The following RARS2 variants were observed in gnomAD, a reference collection of about 807,000 sequenced individuals.
RARS2 encodes arginyl-tRNA synthetase 2, mitochondrial, also known as probable arginine--tRNA ligase, mitochondrial.
RARS2 carries 67 observed loss-of-function variants against 88.5 expected under a neutral mutation model. The observed-to-expected ratio is 0.76, with a 90% CI of 0.62 to 0.93. The LOEUF is 0.93. Among genes scored for constraint, RARS2 ranks in the 40% least tolerant of loss-of-function variants. The pLI is 0.00. For synonymous variants in RARS2, 239 were observed against 230.3 expected (o/e 1.04, Z -0.34); for missense variants, 664 against 684.2 (o/e 0.97, Z 0.33).
rs764762978 is a variant in RARS2 at position 87,562,656 on chromosome 6, G to A, written c.297+46C>T. The A allele has an allele frequency of 2.8e-6, 4 of 1,416,240 alleles. No homozygotes were observed. In the South Asian group the frequency reaches 3.5e-5, roughly 12 times the overall value. The allele number at this position is 1,416,240 out of a possible 1,614,324, so 87.7% of individuals were successfully genotyped here. On this transcript the variant is annotated intron_variant, in intron 4 of 19. Transcript: ENST00000369536. Reference sequence around the variant, plus strand: ...CTGGAGGAAGACCACTGTGGCTGAAGCAGACAGAATGAAAGCACAATGGCT... The same window carrying A: ...CTGGAGGAAGACCACTGTGGCTGAAACAGACAGAATGAAAGCACAATGGCT...
intron 13 of RARS2, 110 bp from the exon 14 acceptor site, chr6:87,519,817 T>A: frequency 1.6e-6 from 2 of 1,243,762 alleles, no homozygotes; most frequent in Non-Finnish European, 1.2e-6. Context: ...GCAGAGTTTT[T>A]AAAAATTAAT....
At chr6:87,569,907 A>C (rs1769117940) in intron 1 of RARS2, among the ~76,000 whole-genome samples, 1 of 151,888 alleles carries the variant, frequency 6.6e-6, no homozygotes, top group Non-Finnish European at 1.5e-5. Context: ...AAAAAAAAAA[A>C]GTATGGCAAG....
intron 1 of RARS2, among the ~76,000 whole-genome samples, chr6:87,571,632 G>T (rs1247138068): frequency 2.6e-5 from 4 of 152,198 alleles, no homozygotes; most frequent in Non-Finnish European, 5.9e-5. Flanking sequence ...AAGTAAGAAT[G>T]TAAGAAGAGT....
intron 2 of RARS2, 59 bp downstream of exon 2, chr6:87,569,458 T>C (rs1768927204): frequency 7.4e-7 from 1 of 1,356,686 alleles, no homozygotes; most frequent in African/African-American, 1.4e-5. Context: ...TTTGCTTTTT[T>C]GGTGTATCAA....
chr6:87,524,524 A>T, intron 11 of RARS2, 33 bp downstream of exon 11: 1 of 1,491,150 alleles, frequency 6.7e-7, no homozygotes. Flanking sequence ...ACAGATTTAG[A>T]ACCAAATGTT....
intron 7 of RARS2, among the ~76,000 whole-genome samples, chr6:87,542,661 G>GAAAAA (rs10628110): frequency 0.054 from 7,269 of 134,338 alleles, 200 homozygotes; most frequent in African/African-American, 0.08. Flanking sequence ...AAAAAAAAAA[G>GAAAAA]AAAAAAAAAA....
chr6:87,564,283 T>C lies in RARS2; in HGVS notation c.111-51A>G, dbSNP rs374061809. 3.0e-6 allele frequency: 4 copies of C among 1,326,928 alleles called. No individual in the cohort carries two copies. The African/African-American group carries it at 4.3e-5, about 14-fold the overall frequency. 82.2% of individuals were successfully genotyped at this position (1,326,928 alleles called of 1,614,324 possible). On this transcript the variant is annotated intron_variant, in intron 2 of 19. Coordinates refer to ENST00000369536, the MANE Select transcript of RARS2 (RefSeq NM_020320.5). Reference sequence around the variant, plus strand: ...AGAACTGTTACCTTAAAAGCATTAGTTGTTAAACAAAGACTAATCACTATG... The same window carrying C: ...AGAACTGTTACCTTAAAAGCATTAGCTGTTAAACAAAGACTAATCACTATG...
rs1307440023 is a variant in RARS2, at chr6:87,526,737, C to T, written c.879-2085G>A. 1.3e-5 allele frequency among the ~76,000 whole-genome samples: 2 copies of T among 150,440 alleles called. 1 individual carries two copies. The highest frequency in any genetic ancestry group is 4.9e-5 in the African/African-American group (2 of 40,904). On this transcript the variant is annotated intron_variant, in intron 10 of 19. Transcript: ENST00000369536. ...CCAGGTTGGAGTGCAATGGCTCAAT[C>T]GTGGCTCACCGCAACCTCTGCCTCC...
intron 11 of RARS2, among the ~76,000 whole-genome samples, chr6:87,522,775 G>T (rs1774367549): frequency 6.6e-6 from 1 of 152,150 alleles, no homozygotes; most frequent in Non-Finnish European, 1.5e-5. Context: ...ACAGGCAAGA[G>T]CCACTGCATA....
At chr6:87,552,180 G>A (rs1784546359) in intron 5 of RARS2, among the ~76,000 whole-genome samples, 1 of 152,170 alleles carries the variant, frequency 6.6e-6, no homozygotes, top group Admixed American at 6.5e-5. Context: ...TCAATTTAGG[G>A]AGAAAGTTTC....
At chr6:87,567,431 T>G (rs1334528562) in intron 2 of RARS2, among the ~76,000 whole-genome samples, 2 of 152,242 alleles carry the variant, frequency 1.3e-5, no homozygotes, top group East Asian at 3.8e-4. Context: ...ATCCACAGAC[T>G]TGATAGCCAT....
chr6:87,523,090 T>G (rs1774482476), intron 11 of RARS2, among the ~76,000 whole-genome samples: 2 of 152,176 alleles, frequency 1.3e-5, no homozygotes, highest in African/African-American at 4.8e-5. Context: ...GAGCAGATTA[T>G]CACAAAAATG....
intron 1 of RARS2, among the ~76,000 whole-genome samples, chr6:87,573,062 T>C (rs1186420415): frequency 1.3e-5 from 2 of 152,210 alleles, no homozygotes; most frequent in Non-Finnish European, 2.9e-5. Context: ...GATACATGTA[T>C]AATTAGTTCT....
chr6:87,557,901 C>T (rs1406612080), intron 4 of RARS2, among the ~76,000 whole-genome samples: 4 of 152,158 alleles, frequency 2.6e-5, no homozygotes, highest in Admixed American at 6.6e-5. Flanking sequence ...CTTGGCCAGG[C>T]ATGGTGGCTC....
intron 1 of RARS2, among the ~76,000 whole-genome samples, chr6:87,577,519 T>C (rs1771933763): frequency 6.6e-6 from 1 of 152,192 alleles, no homozygotes; most frequent in Non-Finnish European, 1.5e-5. Flanking sequence ...ATGGTAATTT[T>C]CTAAAGATTA....
At chr6:87,545,889 T>G (rs982813169) in intron 6 of RARS2, among the ~76,000 whole-genome samples, 190 bp from the exon 7 acceptor site, 32 of 152,170 alleles carry the variant, frequency 2.1e-4, no homozygotes, top group African/African-American at 6.5e-4. Flanking sequence ...AAATTACTTG[T>G]AGGGCAGTTA....
chr6:87,582,359 G>A (rs1050556253), intron 1 of RARS2, among the ~76,000 whole-genome samples: 38 of 152,268 alleles, frequency 2.5e-4, no homozygotes, highest in Admixed American at 2.6e-4. Flanking sequence ...AACGATCAGT[G>A]ATGTTGAGCT....
chr6:87,533,597 T>C lies in RARS2; in HGVS notation c.613-2655A>G, dbSNP rs10046347. Among the ~76,000 whole-genome samples the C allele has an allele frequency of 1.4e-3, 213 of 152,308 alleles. 1 individual carries two copies. The highest frequency in any genetic ancestry group is 0.01 in the Middle Eastern group (3 of 294). On this transcript the variant is annotated intron_variant, in intron 8 of 19. Coordinates refer to ENST00000369536, the MANE Select transcript of RARS2 (RefSeq NM_020320.5). ...GAGGATGGAAACACAATTTTTCTCT[T>C]AGAAGAAAACACAAAAACCAGTTGT...
chr6:87,537,374 G>A (rs1382438474), intron 8 of RARS2, among the ~76,000 whole-genome samples: 1 of 152,222 alleles, frequency 6.6e-6, no homozygotes, highest in Non-Finnish European at 1.5e-5. Context: ...AGAGCACTCA[G>A]GAGCCAGACT....
Sources: gnomAD v4.1 joint callset for allele counts (sites outside exome capture counted in the v4.1 genomes callset) on GRCh38, gnomAD v4.1.1 for gene constraint, MANE v1.5 for transcripts, NCBI Gene and HGNC (gene_info 2026-07-23, HGNC 2026-07-21) for gene names.